Variants in LRRC7 observed in about 807,000 individuals in gnomAD.
LRRC7 encodes leucine rich repeat containing 7.
A neutral mutation model predicts 175.7 loss-of-function variants in LRRC7; 23 were observed. That is an observed-to-expected ratio of 0.13 (90% CI 0.09 to 0.19). LRRC7 has a LOEUF of 0.19. Among genes scored for constraint, LRRC7 ranks in the 10% least tolerant of loss-of-function variants. The probability of loss-of-function intolerance (pLI) is 1.00; values close to 1 mark genes in which losing one functional copy is unlikely to be tolerated. For synonymous variants in LRRC7, 685 were observed against 680.9 expected (o/e 1.01, Z -0.09); for missense variants, 1,354 against 1,904.7 (o/e 0.71, Z 5.38).
chr1:69,765,538 AG>A (rs1226340030), intron 3 of LRRC7, among the ~76,000 whole-genome samples: 1 of 152,108 alleles, frequency 6.6e-6, no homozygotes, highest in Admixed American at 6.6e-5. Context: ...ACTAATTTAA[AG>A]GATAGACCAT....
At chr1:69,925,527 G>C (rs1489328801) in intron 7 of LRRC7, among the ~76,000 whole-genome samples, 2 of 152,054 alleles carry the variant, frequency 1.3e-5, no homozygotes, top group Non-Finnish European at 2.9e-5. Flanking sequence ...GTTTAGTCTT[G>C]GGAGGGTGTA....
At chr1:69,762,702 G>A (rs1671168105) in intron 3 of LRRC7, among the ~76,000 whole-genome samples, 1 of 151,956 alleles carries the variant, frequency 6.6e-6, no homozygotes, top group South Asian at 2.1e-4. Context: ...TATACATCAA[G>A]GAACTCACTA....
At chr1:69,755,296 T>TA (rs1196176937) in intron 2 of LRRC7, among the ~76,000 whole-genome samples, 2 of 151,208 alleles carry the variant, frequency 1.3e-5, no homozygotes, top group Non-Finnish European at 3.0e-5. Context: ...CTAATGCATC[T>TA]ATTCTTGTAA....
At chr1:69,950,958 T>C (rs1010487658) in intron 8 of LRRC7, among the ~76,000 whole-genome samples, 3 of 151,986 alleles carry the variant, frequency 2.0e-5, no homozygotes, top group Non-Finnish European at 4.4e-5. Context: ...TGAGTTTGAA[T>C]TGCCTTTGGA....
intron 5 of LRRC7, among the ~76,000 whole-genome samples, chr1:69,832,421 A>G (rs1386174631): frequency 1.3e-5 from 2 of 152,188 alleles, no homozygotes; most frequent in African/African-American, 4.8e-5. Flanking sequence ...GTGTACAACA[A>G]AATTATAAAG....
intron 25 of LRRC7, among the ~76,000 whole-genome samples, chr1:70,099,725 C>T (rs1333992957): frequency 1.3e-5 from 2 of 152,032 alleles, no homozygotes; most frequent in Non-Finnish European, 2.9e-5. Context: ...CCACAGCCTC[C>T]TACAGTTCCC....
In LRRC7 at chr1:70,143,494, C is replaced by A. The variant is rs1488698855; in HGVS notation, c.*21607C>A. On this transcript the variant is annotated 3_prime_UTR_variant, in exon 27 of 27. Transcript: ENST00000651989. Reference sequence around the variant, plus strand: ...GTATATTAATGCATGCATTTCACTGCATAGTTTATTGACACTACCCTTGTA... The same window carrying A: ...GTATATTAATGCATGCATTTCACTGAATAGTTTATTGACACTACCCTTGTA... 6.6e-6 allele frequency: 1 copy of A among 152,042 alleles called. No homozygotes were observed. Among genetic ancestry groups the A allele is most frequent in the Non-Finnish European group, 1.5e-5 (1 of 67,998 alleles). The allele number at this position is 152,042 out of a possible 1,614,324, so 9.4% of individuals were successfully genotyped here. A position where few individuals can be genotyped will look rare whatever the true frequency, so the allele number is the denominator to read the frequency against.
intron 10 of LRRC7, among the ~76,000 whole-genome samples, chr1:69,988,389 G>A (rs1654129009): frequency 6.6e-6 from 1 of 151,970 alleles, no homozygotes; most frequent in Admixed American, 6.6e-5. Flanking sequence ...AGGCAACATA[G>A]CAAGACTCCA....
chr1:69,781,679 CAAAAAA>C (rs201837300), intron 3 of LRRC7, among the ~76,000 whole-genome samples: 3 of 72,152 alleles, frequency 4.2e-5, no homozygotes, highest in South Asian at 4.0e-4. Flanking sequence ...AAGACTGTCT[CAAAAAA>C]AAGAAGAAAG....
chr1:70,120,084 A>G (rs1470609557), intron 26 of LRRC7, among the ~76,000 whole-genome samples: 1 of 152,112 alleles, frequency 6.6e-6, no homozygotes, highest in Non-Finnish European at 1.5e-5. Context: ...AGTAGAAAAA[A>G]GAATGGCCCA....
chr1:69,809,296 G>A (rs1247409032), intron 4 of LRRC7, among the ~76,000 whole-genome samples: 1 of 151,912 alleles, frequency 6.6e-6, no homozygotes, highest in African/African-American at 2.4e-5. Flanking sequence ...CCTATCAACC[G>A]AAAAAAGTCC....
At chr1:70,068,832 C>G (rs570428692) in intron 23 of LRRC7, among the ~76,000 whole-genome samples, 2 of 152,220 alleles carry the variant, frequency 1.3e-5, no homozygotes, top group Admixed American at 1.3e-4. Flanking sequence ...CCTCCTACCT[C>G]AGCCTCTCGA....
chr1:69,661,742 C>A (rs564739273), intron 1 of LRRC7, among the ~76,000 whole-genome samples: 1 of 151,996 alleles, frequency 6.6e-6, no homozygotes, highest in Non-Finnish European at 1.5e-5. Context: ...GTCTTTACTT[C>A]CCCAGATTAT....
intron 1 of LRRC7, among the ~76,000 whole-genome samples, chr1:69,669,830 CT>C (rs1039257328): frequency 2.6e-5 from 4 of 151,998 alleles, no homozygotes; most frequent in African/African-American, 7.3e-5. Context: ...GTTTTTTCTG[CT>C]TGATCAACTC....
rs190086102 is a variant in LRRC7 at position 70,048,375 on chromosome 1, T to C, written c.4110+4281T>C. On this transcript the variant is annotated intron_variant, in intron 22 of 26. Coordinates refer to ENST00000651989, the MANE Select transcript of LRRC7 (RefSeq NM_001370785.2). ...GATGAGGAAACTGAGGCTCATGTGT[T>C]ACACCAAAGAACTCACCTGTATTGT... Among the ~76,000 whole-genome samples the C allele has an allele frequency of 2.1e-4, 32 of 152,242 alleles. 1 individual carries two copies. The East Asian group carries it at 6.2e-3, about 29-fold the overall frequency.
intron 22 of LRRC7, among the ~76,000 whole-genome samples, chr1:70,052,514 T>G (rs1660825724): frequency 6.6e-6 from 1 of 152,136 alleles, no homozygotes; most frequent in Non-Finnish European, 1.5e-5. Flanking sequence ...GTACCATAAA[T>G]CTTGCACTAT....
chr1:70,075,364 G>T (rs1662695809), intron 23 of LRRC7, among the ~76,000 whole-genome samples: 2 of 152,286 alleles, frequency 1.3e-5, no homozygotes, highest in South Asian at 4.1e-4. Context: ...ATCATTTAAA[G>T]ATGAGAGACC....
Position 69,825,828 on chromosome 1 carries a change from T to C in LRRC7, c.500+2T>C, listed in dbSNP as rs750385202. ...AGCCAGTGTCAATCCCATTTCTAAG[T>C]GAGTATGAGTGATTAAATTTTATTT... On this transcript the variant is annotated splice_donor_variant, in intron 5 of 26. Coordinates refer to ENST00000651989, the MANE Select transcript of LRRC7 (RefSeq NM_001370785.2). LOFTEE classifies it high-confidence loss of function. The C allele has an allele frequency of 6.4e-7, 1 of 1,553,856 alleles. No homozygotes were observed. Among genetic ancestry groups the C allele is most frequent in the Non-Finnish European group, 8.8e-7 (1 of 1,135,628 alleles).
In LRRC7 at chr1:69,759,430, A is replaced by C. The variant is rs147155937; in HGVS notation, c.101-761A>C. On this transcript the variant is annotated intron_variant, in intron 2 of 26. Transcript: ENST00000651989. Reference sequence around the variant, plus strand: ...ATGATAAAAGTCTTCGCAAAATTTCATGGCATTTGGTCAGTTTAACCTAGA... The same window carrying C: ...ATGATAAAAGTCTTCGCAAAATTTCCTGGCATTTGGTCAGTTTAACCTAGA... 2.0e-5 allele frequency among the ~76,000 whole-genome samples: 3 copies of C among 152,136 alleles called. No homozygotes were observed. In the East Asian group the frequency reaches 5.8e-4, roughly 29 times the overall value.
Sources: allele counts gnomAD v4.1 joint callset (sites outside exome capture counted in the v4.1 genomes callset), GRCh38; gene constraint gnomAD v4.1.1; transcripts MANE v1.5; gene names NCBI Gene and HGNC (gene_info 2026-07-23, HGNC 2026-07-21).